Variants in ZNF654 observed in about 807,000 individuals in gnomAD.
The protein encoded by ZNF654 is zinc finger protein 654.
ZNF654 carries 19 observed loss-of-function variants against 95.3 expected under a neutral mutation model. The ratio of observed to expected loss-of-function variants is 0.20; its 90% CI spans 0.14 to 0.29. The LOEUF (loss-of-function observed/expected upper bound fraction) is 0.29. Among genes scored for constraint, ZNF654 ranks in the 10% least tolerant of loss-of-function variants. ZNF654 has a pLI of 1.00. For synonymous variants in ZNF654, 413 were observed against 457.9 expected, an observed-to-expected ratio of 0.90 and a Z score of 1.25; for missense variants, 1,046 against 1,341.0, an observed-to-expected ratio of 0.78 and a Z score of 3.44.
chr3:88,118,159 TTATCCGGTGAAGCCAG>T (rs1239930715), intron 3 of ZNF654, among the ~76,000 whole-genome samples: 1 of 152,134 alleles, frequency 6.6e-6, no homozygotes, highest in Non-Finnish European at 1.5e-5. Context: ...AAGTCTATCC[TTATCCGGTGAAGCCAG>T]TATATAAGTC....
intron 2 of ZNF654, among the ~76,000 whole-genome samples, chr3:88,092,532 G>T (rs1030403600): frequency 6.6e-6 from 1 of 152,072 alleles, no homozygotes; most frequent in Non-Finnish European, 1.5e-5. Flanking sequence ...CTTAGATGAA[G>T]GAGCAGAAGA....
intron 1 of ZNF654, among the ~76,000 whole-genome samples, chr3:88,062,052 G>A (rs1706916950): frequency 6.6e-6 from 1 of 152,122 alleles, no homozygotes; most frequent in Admixed American, 6.6e-5. Flanking sequence ...TTACCATAAG[G>A]AAAAGTAAAA....
intron 2 of ZNF654, among the ~76,000 whole-genome samples, chr3:88,092,210 TTTA>T (rs1703784108): frequency 1.3e-5 from 2 of 152,316 alleles, no homozygotes; most frequent in Non-Finnish European, 2.9e-5. Flanking sequence ...AGTATGTTAT[TTTA>T]TTTAAATATT....
intron 2 of ZNF654, among the ~76,000 whole-genome samples, chr3:88,108,299 T>G (rs1285179039): frequency 6.6e-6 from 1 of 152,190 alleles, no homozygotes; most frequent in African/African-American, 2.4e-5. Flanking sequence ...GGTGTAGCTA[T>G]TTGAATTTTT....
intron 2 of ZNF654, among the ~76,000 whole-genome samples, chr3:88,092,158 A>C (rs2107682030): frequency 6.6e-6 from 1 of 152,340 alleles, no homozygotes; most frequent in South Asian, 2.1e-4. Flanking sequence ...ATGGGGAAAT[A>C]GCAACATGTT....
At chr3:88,073,179 T>C (rs192329450) in intron 1 of ZNF654, among the ~76,000 whole-genome samples, 2 of 152,298 alleles carry the variant, frequency 1.3e-5, no homozygotes, top group African/African-American at 2.4e-5. Flanking sequence ...GTACAAATTA[T>C]TGGCTCCACC....
Position 88,126,283 on chromosome 3 carries a change from T to G in ZNF654, c.550+14T>G. On this transcript the variant is annotated intron_variant, in intron 4 of 8. Coordinates refer to ENST00000636215, the MANE Select transcript of ZNF654 (RefSeq NM_001350134.2). ...CTCAGGAGATAGGTACTTCAGGAGA[T>G]TCAAAATCAAACCAACATTTGTGAG... 6.8e-7 allele frequency: 1 copy of G among 1,463,138 alleles called. No individual in the cohort carries two copies. Among genetic ancestry groups the G allele is most frequent in the East Asian group, 2.5e-5 (1 of 39,896 alleles). The allele number at this position is 1,463,138 out of a possible 1,614,324, so 90.6% of individuals were successfully genotyped here. A position where few individuals can be genotyped will look rare whatever the true frequency, so the allele number is the denominator to read the frequency against.
chr3:88,111,763 A>AG (rs1414423782), intron 2 of ZNF654, among the ~76,000 whole-genome samples: 1 of 152,010 alleles, frequency 6.6e-6, no homozygotes, highest in Non-Finnish European at 1.5e-5. Flanking sequence ...TGATGAGTAT[A>AG]GGAACATTTA....
intron 1 of ZNF654, among the ~76,000 whole-genome samples, chr3:88,071,916 A>G (rs1168669589): frequency 2.0e-5 from 3 of 152,244 alleles, no homozygotes; most frequent in East Asian, 3.9e-4. Flanking sequence ...AACTTCAACA[A>G]CTATTAAATG....
intron 1 of ZNF654, among the ~76,000 whole-genome samples, chr3:88,071,061 G>T (rs1195619947): frequency 1.3e-5 from 2 of 152,140 alleles, no homozygotes; most frequent in Admixed American, 1.3e-4. Context: ...TTATTACTTT[G>T]ATTTCCTGCA....
chr3:88,085,613 T>C (rs1439081168), intron 1 of ZNF654, among the ~76,000 whole-genome samples: 1 of 152,186 alleles, frequency 6.6e-6, no homozygotes, highest in Admixed American at 6.5e-5. Flanking sequence ...TTCTCATAAA[T>C]TACCCCAATT....
At chr3:88,086,644 C>T (rs1362691610) in intron 2 of ZNF654, among the ~76,000 whole-genome samples, 1 of 152,132 alleles carries the variant, frequency 6.6e-6, no homozygotes, top group Non-Finnish European at 1.5e-5. Flanking sequence ...AAGCACTTTA[C>T]TTTCCTTTTT....
In ZNF654 at chr3:88,114,334, C is replaced by T. The variant is rs1705264093; in HGVS notation, c.414+1138C>T. On this transcript the variant is annotated intron_variant, in intron 3 of 8. Transcript: ENST00000636215. ...GTTGGCTGACCACTGATAATGGGAA[C>T]CACTGAAATGTTTGGAGTAGATGAG... is the stretch of plus-strand genomic sequence containing the variant. Among the ~76,000 whole-genome samples the T allele has an allele frequency of 2.6e-5, 4 of 152,084 alleles. No homozygotes were observed. The South Asian group carries it at 8.3e-4, about 32-fold the overall frequency.
intron 1 of ZNF654, among the ~76,000 whole-genome samples, chr3:88,074,250 G>A (rs1707672548): frequency 6.6e-6 from 1 of 152,060 alleles, no homozygotes; most frequent in Admixed American, 6.6e-5. Flanking sequence ...TTTTTCAGGA[G>A]CTGCAGCTTG....
At chr3:88,136,023 C>T (rs1468708359) in intron 7 of ZNF654, among the ~76,000 whole-genome samples, 6 of 151,984 alleles carry the variant, frequency 3.9e-5, no homozygotes, top group East Asian at 3.9e-4. Context: ...ATGATAATTT[C>T]GCTAACTGCA....
At chr3:88,075,334 C>A (rs1007912455) in intron 1 of ZNF654, among the ~76,000 whole-genome samples, 4 of 152,220 alleles carry the variant, frequency 2.6e-5, no homozygotes, top group Non-Finnish European at 5.9e-5. Context: ...TTTCTCTAGA[C>A]CCAAACATGT....
intron 2 of ZNF654, among the ~76,000 whole-genome samples, chr3:88,110,956 T>C (rs910975554): frequency 2.6e-5 from 4 of 152,068 alleles, no homozygotes; most frequent in African/African-American, 9.7e-5. Flanking sequence ...GACCATGTTA[T>C]TTAGGTAACT....
intron 2 of ZNF654, among the ~76,000 whole-genome samples, chr3:88,100,240 T>C (rs377574332): frequency 1.3e-5 from 2 of 152,244 alleles, no homozygotes; most frequent in East Asian, 3.9e-4. Context: ...CATCACTGGC[T>C]ATCAGAGAAA....
chr3:88,100,435 A>G (rs1333713263), intron 2 of ZNF654, among the ~76,000 whole-genome samples: 2 of 152,192 alleles, frequency 1.3e-5, no homozygotes, highest in East Asian at 3.8e-4. Context: ...GGGATGTAGA[A>G]CTAGAAATAC....
Sources: allele counts gnomAD v4.1 joint callset (sites outside exome capture counted in the v4.1 genomes callset), GRCh38; gene constraint gnomAD v4.1.1; transcripts MANE v1.5; gene names NCBI Gene and HGNC (gene_info 2026-07-23, HGNC 2026-07-21).